The following TRPC6 variants were observed in gnomAD, a reference collection of about 807,000 sequenced individuals.
The protein encoded by TRPC6 is short transient receptor potential channel 6.
A neutral mutation model predicts 90.7 loss-of-function variants in TRPC6; 55 were observed. The ratio of observed to expected loss-of-function variants is 0.61; its 90% CI spans 0.49 to 0.76. TRPC6 has a LOEUF of 0.76. Among genes scored for constraint, TRPC6 ranks in the 30% least tolerant of loss-of-function variants. The pLI is 0.00. For missense variants in TRPC6, 989 were observed against 1,122.7 expected, an observed-to-expected ratio of 0.88 and a Z score of 1.70; for synonymous variants, 393 against 393.0, an observed-to-expected ratio of 1.00 and a Z score of 0.00.
At chr11:101,513,339 T>C (rs2136761785) in intron 1 of TRPC6, among the ~76,000 whole-genome samples, 1 of 152,030 alleles carries the variant, frequency 6.6e-6, no homozygotes, top group South Asian at 2.1e-4. Context: ...ACATGAAGAG[T>C]AGGCCAGGAT....
intron 1 of TRPC6, among the ~76,000 whole-genome samples, chr11:101,537,412 G>C (rs1304832441): frequency 1.3e-5 from 2 of 148,960 alleles, no homozygotes; most frequent in African/African-American, 4.9e-5. Context: ...ATTTTTTTTT[G>C]TAGTTACACC....
intron 2 of TRPC6, among the ~76,000 whole-genome samples, chr11:101,497,079 G>A (rs764671115): frequency 1.3e-5 from 2 of 152,198 alleles, no homozygotes; most frequent in African/African-American, 4.8e-5. Context: ...GAACATAGCT[G>A]AGTAGAAAGC....
chr11:101,504,838 G>A (rs1019227299), intron 1 of TRPC6, 40 bp from the exon 2 acceptor site: 3 of 1,603,892 alleles, frequency 1.9e-6, no homozygotes, highest in African/African-American at 2.7e-5. Context: ...ATCACATTAA[G>A]AGCATTTTAG....
At chr11:101,582,114 A>G (rs75827360) in intron 1 of TRPC6, among the ~76,000 whole-genome samples, 139 of 152,396 alleles carry the variant, frequency 9.1e-4, no homozygotes, top group African/African-American at 3.2e-3. Flanking sequence ...TTTTAAAAAG[A>G]AAAACATATA....
At chr11:101,540,293 G>T (rs1419549650) in intron 1 of TRPC6, among the ~76,000 whole-genome samples, 2 of 152,206 alleles carry the variant, frequency 1.3e-5, no homozygotes, top group African/African-American at 2.4e-5. Context: ...GCAATGCAGG[G>T]TCTAAGGAAC....
intron 1 of TRPC6, among the ~76,000 whole-genome samples, chr11:101,538,088 A>C (rs1320144215): frequency 6.6e-6 from 1 of 151,902 alleles, no homozygotes; most frequent in Non-Finnish European, 1.5e-5. Flanking sequence ...TAACTTTCTA[A>C]TTCTTTTTAA....
rs767203751 is a variant in TRPC6, at chr11:101,583,321, C to G, written c.170+13G>C. On this transcript the variant is annotated intron_variant, in intron 1 of 12. Coordinates refer to ENST00000344327, the MANE Select transcript of TRPC6 (RefSeq NM_004621.6). ...AGCCCGCGCCCGATCCGCCCCGCGT[C>G]GCCGGCACTCACAAGCAGGGGTAGT... 18 of 1,571,744 alleles carry G rather than the reference C, an allele frequency of 1.1e-5. No homozygotes were observed. The African/African-American group carries it at 1.8e-4, about 15-fold the overall frequency.
chr11:101,582,397 T>A (rs147953040), intron 1 of TRPC6, among the ~76,000 whole-genome samples: 1 of 151,962 alleles, frequency 6.6e-6, no homozygotes, highest in Non-Finnish European at 1.5e-5. Context: ...TGCGGGTGGA[T>A]GTGACAAGTC....
chr11:101,548,470 A>ATCTC (rs1390081174), intron 1 of TRPC6, among the ~76,000 whole-genome samples: 1 of 74,992 alleles, frequency 1.3e-5, no homozygotes, highest in Admixed American at 1.7e-4. Flanking sequence ...ATATATATAT[A>ATCTC]TATATATCTC....
In TRPC6 at chr11:101,452,919, G is replaced by A. The variant is rs199614681; in HGVS notation, c.*36C>T. ...TCAGAAAATAATATGGCTTCAAGTG[G>A]ACAAATAAATATGAATTTCTAAGGA... On this transcript the variant is annotated 3_prime_UTR_variant, in exon 13 of 13. Coordinates refer to ENST00000344327, the MANE Select transcript of TRPC6 (RefSeq NM_004621.6). The A allele has an allele frequency of 6.2e-7, 1 of 1,611,758 alleles. No homozygotes were observed. Among genetic ancestry groups the A allele is most frequent in the South Asian group, 1.1e-5 (1 of 90,966 alleles).
intron 1 of TRPC6, among the ~76,000 whole-genome samples, chr11:101,559,158 T>TCAAAA (rs1035448478): frequency 1.3e-5 from 2 of 152,006 alleles, no homozygotes; most frequent in Admixed American, 1.3e-4. Flanking sequence ...CTCAGGCAAT[T>TCAAAA]CAAAACAAAA....
intron 1 of TRPC6, among the ~76,000 whole-genome samples, chr11:101,570,351 T>C (rs1319942783): frequency 6.6e-6 from 1 of 152,182 alleles, no homozygotes; most frequent in African/African-American, 2.4e-5. Context: ...AATAGACCAA[T>C]AACAAGTTCT....
intron 1 of TRPC6, among the ~76,000 whole-genome samples, chr11:101,559,758 A>G (rs529599257): frequency 6.0e-5 from 9 of 149,374 alleles, no homozygotes; most frequent in Middle Eastern, 3.4e-3. Context: ...AACATTAGGT[A>G]TATCTCCTAA....
intron 5 of TRPC6, among the ~76,000 whole-genome samples, chr11:101,478,320 G>GA (rs1038566143): frequency 2.6e-5 from 4 of 152,140 alleles, no homozygotes; most frequent in African/African-American, 9.7e-5. Flanking sequence ...TAATCTGGGG[G>GA]ATCAAATTTG....
intron 1 of TRPC6, among the ~76,000 whole-genome samples, chr11:101,514,358 G>A (rs963359832): frequency 6.6e-6 from 1 of 152,126 alleles, no homozygotes; most frequent in African/African-American, 2.4e-5. Flanking sequence ...AATGATTAGC[G>A]AACAGTTTTC....
intron 2 of TRPC6, among the ~76,000 whole-genome samples, chr11:101,497,012 A>G (rs1859965353): frequency 6.6e-6 from 1 of 152,206 alleles, no homozygotes; most frequent in African/African-American, 2.4e-5. Flanking sequence ...CCAACCTAGC[A>G]TGGTGTGAGG....
chr11:101,505,170 A>G (rs1591095208), intron 1 of TRPC6, among the ~76,000 whole-genome samples: 1 of 152,258 alleles, frequency 6.6e-6, no homozygotes, highest in Non-Finnish European at 1.5e-5. Context: ...ATATAAGACT[A>G]CATTTTAAGA....
chr11:101,572,967 C>T (rs1258683104), intron 1 of TRPC6, among the ~76,000 whole-genome samples: 1 of 151,450 alleles, frequency 6.6e-6, no homozygotes, highest in African/African-American at 2.4e-5. Flanking sequence ...TGTAACAAAC[C>T]TGCACGTTCT....
At chr11:101,495,573 G>A (rs1859921377) in intron 2 of TRPC6, among the ~76,000 whole-genome samples, 1 of 149,724 alleles carries the variant, frequency 6.7e-6, no homozygotes, top group Non-Finnish European at 1.5e-5. Context: ...CTGGCACAGG[G>A]TAGTGCAGAT....
Sources: gnomAD v4.1 joint callset for allele counts (sites outside exome capture counted in the v4.1 genomes callset) on GRCh38, gnomAD v4.1.1 for gene constraint, MANE v1.5 for transcripts, NCBI Gene and HGNC (gene_info 2026-07-23, HGNC 2026-07-21) for gene names.